Variants in ADGRB3 observed in about 807,000 individuals in gnomAD.
The protein encoded by ADGRB3 is adhesion G protein-coupled receptor B3, also known as brain-specific angiogenesis inhibitor 3.
ADGRB3 carries 37 observed loss-of-function variants against 193.4 expected under a neutral mutation model. The ratio of observed to expected loss-of-function variants is 0.19; its 90% CI spans 0.15 to 0.25. The LOEUF (loss-of-function observed/expected upper bound fraction) is 0.25, where lower values mean the gene tolerates loss of function less well. Among genes scored for constraint, ADGRB3 ranks in the 10% least tolerant of loss-of-function variants. The pLI is 1.00. For synonymous variants in ADGRB3, 690 were observed against 644.2 expected, an observed-to-expected ratio of 1.07 and a Z score of -1.08; for missense variants, 1,637 against 1,852.9, an observed-to-expected ratio of 0.88 and a Z score of 2.14.
intron 11 of ADGRB3, among the ~76,000 whole-genome samples, chr6:69,001,057 C>T (rs777648655): frequency 2.0e-5 from 3 of 152,062 alleles, no homozygotes; most frequent in Non-Finnish European, 2.9e-5. Context: ...AAAAAAATAA[C>T]TTGAATGAGG....
At chr6:69,350,298 C>CTTT (rs11420945) in intron 26 of ADGRB3, among the ~76,000 whole-genome samples, 13 of 146,766 alleles carry the variant, frequency 8.9e-5, no homozygotes, top group African/African-American at 1.2e-4. Flanking sequence ...TCTCGCCATT[C>CTTT]TTTTTTTTTT....
chr6:69,383,721 G>A (rs548640576), intron 31 of ADGRB3, among the ~76,000 whole-genome samples: 9 of 152,006 alleles, frequency 5.9e-5, no homozygotes, highest in South Asian at 4.2e-4. Context: ...TATATCTTCC[G>A]TCATTACAAC....
chr6:69,267,778 A>T (rs1767080160), intron 20 of ADGRB3, among the ~76,000 whole-genome samples: 1 of 152,172 alleles, frequency 6.6e-6, no homozygotes, highest in Non-Finnish European at 1.5e-5. Flanking sequence ...TACCCTGCCA[A>T]GTGAAGAAGG....
At chr6:68,788,743 T>C (rs897448177) in intron 3 of ADGRB3, among the ~76,000 whole-genome samples, 6 of 151,994 alleles carry the variant, frequency 3.9e-5, no homozygotes, top group African/African-American at 9.7e-5. Context: ...TGTCTAACGT[T>C]GACAATGGGG....
chr6:69,104,498 G>A (rs189846185), intron 17 of ADGRB3, among the ~76,000 whole-genome samples: 39 of 151,934 alleles, frequency 2.6e-4, no homozygotes, highest in Non-Finnish European at 4.9e-4. Flanking sequence ...AATGGTTCAG[G>A]ATAGAGCTTA....
At chr6:69,235,662 G>A (rs941952706) in intron 19 of ADGRB3, among the ~76,000 whole-genome samples, 1 of 151,992 alleles carries the variant, frequency 6.6e-6, no homozygotes, top group Non-Finnish European at 1.5e-5. Context: ...GTGTGTCCAA[G>A]AAGTCAGACT....
intron 3 of ADGRB3, among the ~76,000 whole-genome samples, chr6:68,905,119 A>G (rs1247037866): frequency 2.0e-5 from 3 of 152,174 alleles, no homozygotes; most frequent in African/African-American, 7.2e-5. Flanking sequence ...CCTATATCTC[A>G]TATTATCTGG....
rs916350646 is a variant in ADGRB3, at chr6:69,290,223, A to G, written c.2815-34649A>G. On this transcript the variant is annotated intron_variant, in intron 20 of 31. Coordinates refer to ENST00000370598, the MANE Select transcript of ADGRB3 (RefSeq NM_001704.3). Reference sequence around the variant, plus strand: ...AAAATCAGACAGTAACCGGCCATTGAAATATAAAATAGAATTCTGAAGAAG... The same window carrying G: ...AAAATCAGACAGTAACCGGCCATTGGAATATAAAATAGAATTCTGAAGAAG... Among the ~76,000 whole-genome samples the G allele has an allele frequency of 1.8e-4, 28 of 152,136 alleles. 1 individual carries two copies. The highest frequency in any genetic ancestry group is 1.5e-5 in the Non-Finnish European group (1 of 68,040).
intron 17 of ADGRB3, chr6:69,232,968 G>A: frequency 2.3e-6 from 1 of 427,564 alleles, no homozygotes; most frequent in African/African-American, 2.0e-5. Flanking sequence ...GGCTGCCAAC[G>A]CTCTGGCGGC....
chr6:69,212,477 A>G (rs1765687640), intron 17 of ADGRB3, among the ~76,000 whole-genome samples: 1 of 152,100 alleles, frequency 6.6e-6, no homozygotes, highest in Non-Finnish European at 1.5e-5. Context: ...TTTTAAGGTT[A>G]AAGATGATTA....
intron 24 of ADGRB3, 23 bp downstream of exon 24, chr6:69,333,031 T>G (rs1768761115): frequency 1.2e-6 from 2 of 1,608,574 alleles, no homozygotes; most frequent in Admixed American, 3.3e-5. Flanking sequence ...TGGTGGATTT[T>G]GAAGGTTATT....
chr6:68,693,488 T>C (rs1456657113), intron 3 of ADGRB3, among the ~76,000 whole-genome samples: 1 of 151,954 alleles, frequency 6.6e-6, no homozygotes, highest in African/African-American at 2.4e-5. Flanking sequence ...TAGAATCAAT[T>C]TAAGGAAACT....
At chr6:68,662,834 C>CA (rs1472693872) in intron 3 of ADGRB3, among the ~76,000 whole-genome samples, 1 of 151,124 alleles carries the variant, frequency 6.6e-6, no homozygotes, top group Non-Finnish European at 1.5e-5. Context: ...AAATTAACTA[C>CA]AAAACCACTA....
chr6:69,122,465 G>T (rs1773735345), intron 17 of ADGRB3, among the ~76,000 whole-genome samples: 1 of 76,350 alleles, frequency 1.3e-5, no homozygotes. Flanking sequence ...TAAGGGAGAG[G>T]GAGAGGGGGA....
At chr6:68,769,404 T>C (rs181371724) in intron 3 of ADGRB3, among the ~76,000 whole-genome samples, 684 of 152,316 alleles carry the variant, frequency 4.5e-3, no homozygotes, top group Admixed American at 7.9e-3. Context: ...TGGATGAAGC[T>C]GGAAACCATC....
At chr6:69,095,279 C>T (rs1158078540) in intron 17 of ADGRB3, among the ~76,000 whole-genome samples, 1 of 152,036 alleles carries the variant, frequency 6.6e-6, no homozygotes, top group East Asian at 1.9e-4. Context: ...TTTGAAGTAG[C>T]AGCCACAATG....
intron 3 of ADGRB3, among the ~76,000 whole-genome samples, chr6:68,787,792 T>C (rs1767007683): frequency 6.6e-6 from 1 of 152,166 alleles, no homozygotes. Flanking sequence ...CCTGGACTTT[T>C]TTTGGTTGGT....
At chr6:68,694,029 T>C (rs1165182131) in intron 3 of ADGRB3, among the ~76,000 whole-genome samples, 1 of 152,020 alleles carries the variant, frequency 6.6e-6, no homozygotes, top group Non-Finnish European at 1.5e-5. Context: ...TCATGCATAT[T>C]TATGAATTAC....
intron 17 of ADGRB3, among the ~76,000 whole-genome samples, chr6:69,110,535 G>C (rs1561922022): frequency 1.3e-5 from 2 of 152,064 alleles, no homozygotes; most frequent in African/African-American, 2.4e-5. Flanking sequence ...AATTGTTATA[G>C]AATTTATTTG....
Sources: allele counts gnomAD v4.1 joint callset (sites outside exome capture counted in the v4.1 genomes callset), GRCh38; gene constraint gnomAD v4.1.1; transcripts MANE v1.5; gene names NCBI Gene and HGNC (gene_info 2026-07-23, HGNC 2026-07-21).